Variants in ANXA4 observed in about 807,000 individuals in gnomAD.
ANXA4 encodes annexin A4, also known as 35-beta calcimedin.
In ANXA4, 39 loss-of-function variants were observed where a neutral mutation model predicts 49.8. That is an observed-to-expected ratio of 0.78 (90% CI 0.61 to 1.02). The LOEUF (loss-of-function observed/expected upper bound fraction) is 1.02. ANXA4 is among the 50% of genes least tolerant of loss of function. The pLI, the probability that ANXA4 is intolerant of heterozygous loss-of-function variation, is 0.00. For synonymous variants in ANXA4, 134 were observed against 152.5 expected (o/e 0.88, Z 0.89); for missense variants, 360 against 410.1 (o/e 0.88, Z 1.05).
chr2:69,740,854 T>A (rs1346518381), upstream of ANXA4, among the ~76,000 whole-genome samples: 1 of 109,596 alleles, frequency 9.1e-6, no homozygotes, highest in African/African-American at 4.1e-5. Flanking sequence ...GCTATATATA[T>A]GTTTTTTTTT....
chr2:69,796,659 C>CT (rs890296637), intron 3 of ANXA4, among the ~76,000 whole-genome samples: 6 of 152,132 alleles, frequency 3.9e-5, no homozygotes, highest in African/African-American at 1.4e-4. Context: ...CCCCTTCCAT[C>CT]TGGCATTTCT....
upstream of ANXA4, among the ~76,000 whole-genome samples, chr2:69,740,493 G>A (rs1489979997): frequency 1.3e-5 from 2 of 151,796 alleles, no homozygotes; most frequent in Non-Finnish European, 2.9e-5. Context: ...TCACCCTGTC[G>A]CCCAGGCTGG....
At chr2:69,806,311 C>T in intron 4 of ANXA4, 74 bp from the exon 5 acceptor site, 1 of 1,096,128 alleles carries the variant, frequency 9.1e-7, no homozygotes, top group Non-Finnish European at 1.4e-6. Context: ...CCCAGACATC[C>T]CTGGACCACA....
At chr2:69,660,881 G>A (rs960619736) in intron 2 of ANXA4, among the ~76,000 whole-genome samples, 1 of 151,470 alleles carries the variant, frequency 6.6e-6, no homozygotes, top group Admixed American at 6.6e-5. Flanking sequence ...TAGAAGGGAG[G>A]GGGAAGATGA....
chr2:69,804,598 A>G lies in ANXA4; in HGVS notation c.163A>G (p.Arg55Gly), dbSNP rs1411075417. 1 of 1,613,586 alleles carries G rather than the reference A, an allele frequency of 6.2e-7. No individual in the cohort carries two copies. Among genetic ancestry groups the G allele is most frequent in the African/African-American group, 1.3e-5 (1 of 74,914 alleles). Residue 55 changes from arginine to glycine, a missense_variant, in exon 4 of 13, where the codon AGG becomes GGG. By Grantham distance (125) the Arg-to-Gly change is moderately radical. Coordinates refer to ENST00000394295, the MANE Select transcript of ANXA4 (RefSeq NM_001153.5). ...YRNTAQRQEI[R>G]TAYKSTIGRD... ...CAACACCGCCCAGCGCCAGGAGATC[A>G]GGACAGCCTACAAGAGCACCATCGG... is the stretch of plus-strand genomic sequence containing the variant.
chr2:69,686,174 C>CTTGTTTTGTT (rs56703980), intron 2 of ANXA4, among the ~76,000 whole-genome samples: 1 of 151,622 alleles, frequency 6.6e-6, no homozygotes. Flanking sequence ...GAGACAGGGT[C>CTTGTTTTGTT]TTGTTTTGTT....
intron 2 of ANXA4, among the ~76,000 whole-genome samples, chr2:69,665,162 G>A (rs1259087490): frequency 1.3e-5 from 2 of 152,108 alleles, no homozygotes; most frequent in Non-Finnish European, 2.9e-5. Flanking sequence ...ATCTTGAAAG[G>A]TAGTACAGCT....
intron 2 of ANXA4, among the ~76,000 whole-genome samples, chr2:69,654,837 C>A (rs202083886): frequency 2.6e-5 from 4 of 152,056 alleles, no homozygotes; most frequent in African/African-American, 9.7e-5. Context: ...ATATATAGAC[C>A]AATGGAACAG....
intron 4 of ANXA4, among the ~76,000 whole-genome samples, chr2:69,805,738 G>C (rs1426800831): frequency 6.6e-6 from 1 of 152,048 alleles, no homozygotes; most frequent in Middle Eastern, 3.4e-3. Flanking sequence ...CATTTACATC[G>C]GTGTCTACAA....
At chr2:69,816,253 G>A in intron 9 of ANXA4, 59 bp downstream of exon 9, 3 of 1,421,924 alleles carry the variant, frequency 2.1e-6, no homozygotes, top group Non-Finnish European at 3.0e-6. Context: ...AAACTATATT[G>A]CCCATAAGTA....
chr2:69,772,291 G>A (rs1671753725), intron 1 of ANXA4, among the ~76,000 whole-genome samples: 1 of 152,242 alleles, frequency 6.6e-6, no homozygotes, highest in Non-Finnish European at 1.5e-5. Context: ...TGGTCACAAT[G>A]TGCAGCTTAT....
chr2:69,792,318 G>C (rs1672728475), intron 3 of ANXA4, among the ~76,000 whole-genome samples: 1 of 152,186 alleles, frequency 6.6e-6, no homozygotes, highest in African/African-American at 2.4e-5. Flanking sequence ...CGTGTTAAGA[G>C]AGAAAGTTAA....
Position 69,646,485 on chromosome 2 carries a change from A to G in ANXA4, n.481+1580A>G, listed in dbSNP as rs148701596. Among the ~76,000 whole-genome samples, 367 of 152,316 alleles carry G rather than the reference A, an allele frequency of 2.4e-3. 2 individuals are homozygous for G. The highest frequency in any genetic ancestry group is 4.1e-3 in the Non-Finnish European group (279 of 68,032). ...ACAGAGCTATCTGATTAAGGTGGAA[A>G]GATTGATTTGAAGTATCCTAGATGA... On this transcript the variant is annotated intron_variant and non_coding_transcript_variant, in intron 1 of 3. Transcript: ENST00000418066.
At chr2:69,769,764 G>A (rs1438593705) in intron 1 of ANXA4, among the ~76,000 whole-genome samples, 3 of 152,178 alleles carry the variant, frequency 2.0e-5, no homozygotes, top group African/African-American at 7.2e-5. Context: ...CCAGGTTCCA[G>A]CGATTCTCCT....
intron 1 of ANXA4, among the ~76,000 whole-genome samples, chr2:69,757,238 T>TTTTATATATATATATATATATATA (rs1267602375): frequency 1.7e-5 from 1 of 59,066 alleles, no homozygotes; most frequent in Admixed American, 2.8e-4. Context: ...CATTTTTGTT[T>TTTTATATATATATATATATATATA]TATATATATA....
At chr2:69,808,287 C>T (rs1673536653) in intron 6 of ANXA4, 3 of 326,196 alleles carry the variant, frequency 9.2e-6, no homozygotes, top group Non-Finnish European at 1.8e-5. Context: ...ATCTAAGGTA[C>T]TTGTTCAAAA....
At position 69,656,796 on chromosome 2, in the gene ANXA4, T is replaced by C. The variant is rs181489171; in HGVS notation, n.766+3514T>C. 2.8e-3 allele frequency among the ~76,000 whole-genome samples: 418 copies of C among 151,872 alleles called. 1 individual carries two copies. The highest frequency in any genetic ancestry group is 5.0e-3 in the South Asian group (24 of 4,812). ...TACTCCTGACCTCAGGTGATCTGCC[T>C]GCCTCAGTCTCCTCAAGTGCTGAGA... On this transcript the variant is annotated intron_variant and non_coding_transcript_variant, in intron 2 of 3. Transcript: ENST00000418066.
At chr2:69,658,325 G>A (rs1246642255) in intron 2 of ANXA4, among the ~76,000 whole-genome samples, 1 of 150,838 alleles carries the variant, frequency 6.6e-6, no homozygotes, top group African/African-American at 2.5e-5. Context: ...GCTTGAGCCT[G>A]GGAGGCAGAG....
At chr2:69,782,062 C>T (rs1398709551) in intron 2 of ANXA4, among the ~76,000 whole-genome samples, 1 of 152,108 alleles carries the variant, frequency 6.6e-6, no homozygotes, top group Non-Finnish European at 1.5e-5. Flanking sequence ...CTCTTTGGAA[C>T]AAGCATCGAA....
Sources: gnomAD v4.1 joint callset for allele counts (sites outside exome capture counted in the v4.1 genomes callset) on GRCh38, gnomAD v4.1.1 for gene constraint, MANE v1.5 for transcripts, NCBI Gene and HGNC (gene_info 2026-07-23, HGNC 2026-07-21) for gene names.